Variants in KCND2 observed in about 807,000 individuals in gnomAD.
KCND2 encodes the protein potassium voltage-gated channel subfamily D member 2, also known as A-type voltage-gated potassium channel KCND2.
In KCND2, 16 loss-of-function variants were observed where a neutral mutation model predicts 54.4. That is an observed-to-expected ratio of 0.29 (90% CI 0.20 to 0.45). KCND2 has a LOEUF of 0.45. Among genes scored for constraint, KCND2 ranks in the 20% least tolerant of loss-of-function variants. The probability of loss-of-function intolerance (pLI) is 1.00; values close to 1 mark genes in which losing one functional copy is unlikely to be tolerated. For missense variants in KCND2, 486 were observed against 824.2 expected, an observed-to-expected ratio of 0.59 and a Z score of 5.02; for synonymous variants, 317 against 310.7, an observed-to-expected ratio of 1.02 and a Z score of -0.21.
At chr7:120,629,898 A>G (rs1343589983) in intron 1 of KCND2, among the ~76,000 whole-genome samples, 1 of 152,168 alleles carries the variant, frequency 6.6e-6, no homozygotes, top group Admixed American at 6.6e-5. Context: ...TTTTGAATAT[A>G]TAGAGTTTGA....
chr7:120,743,318 G>A (rs547925148), intron 4 of KCND2, among the ~76,000 whole-genome samples: 33 of 152,132 alleles, frequency 2.2e-4, no homozygotes, highest in Non-Finnish European at 4.6e-4. Flanking sequence ...CACATGATTT[G>A]TATTCTCAGT....
intron 1 of KCND2, among the ~76,000 whole-genome samples, chr7:120,621,574 TA>T (rs1231573303): frequency 1.3e-5 from 2 of 152,262 alleles, no homozygotes. Flanking sequence ...TTTAATTTTT[TA>T]AAAAAATTTA....
In KCND2 at chr7:120,296,902, TG is replaced by T. The variant is rs200530891; in HGVS notation, c.1115+21156del. On this transcript the variant is annotated intron_variant, in intron 1 of 5. Coordinates refer to ENST00000331113, the MANE Select transcript of KCND2 (RefSeq NM_012281.3). ...TTATTTTCTAAGAATTTTTAAGCAA[TG>T]TTTTTTTAAGAATTGTAGCTTTGAC... 8.6e-3 allele frequency among the ~76,000 whole-genome samples: 1,303 copies of T among 152,216 alleles called. 12 individuals are homozygous for T. The highest frequency in any genetic ancestry group is 0.03 in the East Asian group (155 of 5,182).
intron 1 of KCND2, among the ~76,000 whole-genome samples, chr7:120,599,797 C>T (rs1388064760): frequency 6.6e-6 from 1 of 151,786 alleles, no homozygotes; most frequent in Non-Finnish European, 1.5e-5. Flanking sequence ...CTTTTTATTT[C>T]CTTGCCCCAT....
At chr7:120,735,437 C>T (rs1426906644) in intron 2 of KCND2, among the ~76,000 whole-genome samples, 1 of 152,090 alleles carries the variant, frequency 6.6e-6, no homozygotes. Flanking sequence ...CTAGACATTT[C>T]TCCTTTAGTA....
At chr7:120,529,822 A>G (rs1457135136) in intron 1 of KCND2, among the ~76,000 whole-genome samples, 2 of 152,062 alleles carry the variant, frequency 1.3e-5, no homozygotes, top group Non-Finnish European at 2.9e-5. Flanking sequence ...GTGTCTCATG[A>G]CTGTAATCCC....
At chr7:120,617,079 T>C (rs970732064) in intron 1 of KCND2, among the ~76,000 whole-genome samples, 4 of 152,184 alleles carry the variant, frequency 2.6e-5, no homozygotes, top group African/African-American at 9.7e-5. Context: ...GAAGACAAGA[T>C]GTATGCATCC....
intron 1 of KCND2, among the ~76,000 whole-genome samples, chr7:120,281,665 A>C (rs187224653): frequency 8.5e-5 from 13 of 152,264 alleles, no homozygotes; most frequent in African/African-American, 3.1e-4. Flanking sequence ...ATTCTAACTA[A>C]ATTGAAAGGC....
chr7:120,324,787 T>C (rs1311430253), intron 1 of KCND2, among the ~76,000 whole-genome samples: 1 of 151,986 alleles, frequency 6.6e-6, no homozygotes, highest in Non-Finnish European at 1.5e-5. Context: ...ATGAGGGCTC[T>C]TTTTTGGTTC....
chr7:120,590,524 C>T (rs1044547702), intron 1 of KCND2, among the ~76,000 whole-genome samples: 1 of 152,102 alleles, frequency 6.6e-6, no homozygotes, highest in Non-Finnish European at 1.5e-5. Context: ...GATGCGCTTC[C>T]AGGAGTGAAA....
At chr7:120,488,213 T>G (rs1432014108) in intron 1 of KCND2, among the ~76,000 whole-genome samples, 2 of 151,892 alleles carry the variant, frequency 1.3e-5, no homozygotes, top group Non-Finnish European at 2.9e-5. Flanking sequence ...AAGTTATTCA[T>G]TATGAAAAAA....
At chr7:120,495,995 TA>T (rs376589374) in intron 1 of KCND2, among the ~76,000 whole-genome samples, 6 of 151,996 alleles carry the variant, frequency 3.9e-5, no homozygotes, top group East Asian at 1.9e-4. Flanking sequence ...AAAATCCCAT[TA>T]AAAAAACAGA....
chr7:120,593,552 G>C (rs1235586736), intron 1 of KCND2, among the ~76,000 whole-genome samples: 1 of 152,082 alleles, frequency 6.6e-6, no homozygotes, highest in African/African-American at 2.4e-5. Flanking sequence ...CGAGCTAATA[G>C]ACAGGTAAGA....
At chr7:120,484,701 GCACACACACACACACA>G (rs3067134) in intron 1 of KCND2, among the ~76,000 whole-genome samples, 1 of 137,538 alleles carries the variant, frequency 7.3e-6, no homozygotes, top group Non-Finnish European at 1.6e-5. Context: ...TATATTACAC[GCACACACACACACACA>G]CACACACACA....
chr7:120,445,796 A>G (rs1191636581), intron 1 of KCND2, among the ~76,000 whole-genome samples: 3 of 152,102 alleles, frequency 2.0e-5, no homozygotes, highest in African/African-American at 7.2e-5. Context: ...TCAACATAAC[A>G]TGTATGTTAT....
intron 1 of KCND2, among the ~76,000 whole-genome samples, chr7:120,600,123 A>G (rs1319128472): frequency 2.0e-5 from 3 of 151,946 alleles, no homozygotes; most frequent in African/African-American, 7.2e-5. Flanking sequence ...TCCATACTGG[A>G]TAATCACAAG....
intron 1 of KCND2, among the ~76,000 whole-genome samples, chr7:120,286,604 G>A (rs904302128): frequency 4.0e-5 from 6 of 151,876 alleles, no homozygotes; most frequent in African/African-American, 1.2e-4. Context: ...AATTAGGCAG[G>A]AAATAATTAC....
At chr7:120,702,702 G>C (rs1450157776) in intron 1 of KCND2, among the ~76,000 whole-genome samples, 2 of 152,118 alleles carry the variant, frequency 1.3e-5, no homozygotes, top group Non-Finnish European at 2.9e-5. Flanking sequence ...AATACCACAT[G>C]TTCTCACTTA....
intron 1 of KCND2, among the ~76,000 whole-genome samples, chr7:120,495,107 C>A (rs752684042): frequency 1.1e-4 from 16 of 152,114 alleles, no homozygotes; most frequent in Admixed American, 2.6e-4. Context: ...ATAATCAAAT[C>A]TTTAAAAGAT....
Sources: gnomAD v4.1 joint callset for allele counts (sites outside exome capture counted in the v4.1 genomes callset) on GRCh38, gnomAD v4.1.1 for gene constraint, MANE v1.5 for transcripts, NCBI Gene and HGNC (gene_info 2026-07-23, HGNC 2026-07-21) for gene names.